POLQ: variants seen among roughly 807,000 people sequenced by gnomAD.
The protein encoded by POLQ is epididymis secretory sperm binding protein.
POLQ carries 233 observed loss-of-function variants against 259.2 expected under a neutral mutation model. The observed-to-expected ratio is 0.90, with a 90% CI of 0.81 to 1.00. POLQ has a LOEUF of 1.00. Ranked by LOEUF, POLQ falls within the 50% of genes least tolerant of loss-of-function variation. POLQ has a pLI of 0.00. For missense variants in POLQ, 2,871 were observed against 3,051.6 expected (o/e 0.94, Z 1.39); for synonymous variants, 1,025 against 1,048.8 (o/e 0.98, Z 0.44).
chr3:121,443,648 A>G (rs1382524410), intron 26 of POLQ, among the ~76,000 whole-genome samples: 2 of 151,970 alleles, frequency 1.3e-5, no homozygotes, highest in African/African-American at 4.8e-5. Context: ...TGCGCTTGTG[A>G]GTATTGCTTA....
intron 7 of POLQ, among the ~76,000 whole-genome samples, chr3:121,528,103 T>C (rs771648575): frequency 6.6e-6 from 1 of 152,186 alleles, no homozygotes; most frequent in Non-Finnish European, 1.5e-5. Context: ...TCTGTGTCTG[T>C]GTGCCTAAGT....
intron 14 of POLQ, chr3:121,494,438 A>C: frequency 1.3e-6 from 2 of 1,534,430 alleles, no homozygotes; most frequent in South Asian, 2.2e-5. Context: ...GCAAGAGAAG[A>C]AGCAGAGGCT....
chr3:121,541,153 T>A (rs1342990856), intron 3 of POLQ, among the ~76,000 whole-genome samples, 196 bp downstream of exon 3: 2 of 152,216 alleles, frequency 1.3e-5, no homozygotes, highest in African/African-American at 2.4e-5. Flanking sequence ...AGTGCTGGGA[T>A]TACAGGCGTG....
chr3:121,497,051 G>A, intron 13 of POLQ, 119 bp from the exon 14 acceptor site: 1 of 1,000,184 alleles, frequency 1.0e-6, no homozygotes, highest in South Asian at 1.5e-5. Flanking sequence ...ATACATTGTG[G>A]TGAGATTCTT....
rs557521875 is a variant in POLQ, at chr3:121,520,052, T to C, written c.1287A>G (p.Glu429=). The C allele has an allele frequency of 4.3e-6, 7 of 1,612,658 alleles. No individual in the cohort carries two copies. In the South Asian group the frequency reaches 6.6e-5, roughly 15 times the overall value. The change falls in exon 9 of 30, where the codon GAA becomes GAG. Residue 429 remains glutamate (E), a synonymous_variant. Coordinates refer to ENST00000264233, the MANE Select transcript of POLQ (RefSeq NM_199420.4). ...GAATGAGACCTTGACGAAAGGCTCC[T>C]TCAATGATATCCCTCTCCTCAAAAG... is the stretch of plus-strand genomic sequence containing the variant. ...GLTFEERDII[E]GAFRQGLIRV...
chr3:121,444,651 G>A (rs945749655), intron 26 of POLQ, among the ~76,000 whole-genome samples: 23 of 152,122 alleles, frequency 1.5e-4, no homozygotes, highest in African/African-American at 5.6e-4. Context: ...AGTGATGAAA[G>A]CAAAAGTGGG....
chr3:121,445,672 G>T (rs1290206976), intron 26 of POLQ, among the ~76,000 whole-genome samples: 2 of 152,028 alleles, frequency 1.3e-5, no homozygotes, highest in African/African-American at 4.8e-5. Context: ...TGACCAACCT[G>T]GCCAACATGG....
At chr3:121,491,349 A>C (rs1335096909) in intron 15 of POLQ, among the ~76,000 whole-genome samples, 1 of 37,746 alleles carries the variant, frequency 2.6e-5, no homozygotes, top group Admixed American at 3.3e-4. Flanking sequence ...ACTGTCACAA[A>C]AAAAAAAAAA....
chr3:121,539,031 C>T (rs931598303), intron 4 of POLQ, among the ~76,000 whole-genome samples: 1 of 152,108 alleles, frequency 6.6e-6, no homozygotes, highest in Non-Finnish European at 1.5e-5. Context: ...TGCTAAATGA[C>T]AGACTCTGGG....
chr3:121,538,585 CAAAA>C (rs34448538), intron 4 of POLQ, among the ~76,000 whole-genome samples: 7 of 97,020 alleles, frequency 7.2e-5, no homozygotes, highest in Admixed American at 1.1e-4. Context: ...ATTCATTCAC[CAAAA>C]AAAAAAAAAA....
chr3:121,545,834 G>A lies in POLQ; in HGVS notation c.44C>T (p.Ser15Leu), dbSNP rs746482367. 1 of 1,613,988 alleles carries A rather than the reference G, an allele frequency of 6.2e-7. No homozygotes were observed. Among genetic ancestry groups the A allele is most frequent in the East Asian group, 2.2e-5 (1 of 44,886 alleles). Residue 15 changes from serine to leucine, a missense_variant, in exon 1 of 30, where the codon TCA becomes TTA. Transcript: ENST00000264233. ...RRSGKRRRSE[S>L]GSDSFSGSGG... Reference sequence around the variant, plus strand: ...GCTTCCCGAGAACGAATCTGAGCCTGATTCTGAACGCCGCCGTTTCCCACT... The same window carrying A: ...GCTTCCCGAGAACGAATCTGAGCCTAATTCTGAACGCCGCCGTTTCCCACT...
chr3:121,507,495 G>A (rs980839430), intron 12 of POLQ, among the ~76,000 whole-genome samples: 56 of 152,052 alleles, frequency 3.7e-4, no homozygotes, highest in African/African-American at 1.2e-3. Context: ...GGGAGGCCGA[G>A]GAGGGTGGAT....
intron 27 of POLQ, 58 bp from the exon 28 acceptor site, chr3:121,436,333 C>G: frequency 6.4e-7 from 1 of 1,557,460 alleles, no homozygotes; most frequent in Non-Finnish European, 8.8e-7. Flanking sequence ...TTCATACTTT[C>G]CTTTAGTGTC....
chr3:121,489,047 G>T lies in POLQ; in HGVS notation c.3884C>A (p.Thr1295Lys), dbSNP rs767612456. Reference protein sequence around the residue: ...FLNISRLQEKTGTYTTNKTKN... With the variant: ...FLNISRLQEKKGTYTTNKTKN... ...AGTTTTGTTTGTTGTATAAGTACCT[G>T]TTTTTTCTTGTAGTCTAGAAATATT... is the stretch of plus-strand genomic sequence containing the variant. Residue 1295 changes from threonine (T) to lysine (K), a missense_variant, in exon 16 of 30, where the codon ACA (threonine) becomes AAA (lysine). Physicochemically the swap from Thr to Lys is moderately conservative, Grantham distance 78. Coordinates refer to ENST00000264233, the MANE Select transcript of POLQ (RefSeq NM_199420.4). 1.9e-6 allele frequency: 3 copies of T among 1,613,180 alleles called. No homozygotes were observed. Among genetic ancestry groups the T allele is most frequent in the Non-Finnish European group, 2.5e-6 (3 of 1,179,376 alleles).
At chr3:121,541,729 A>C (rs1170390619) in intron 2 of POLQ, among the ~76,000 whole-genome samples, 2 of 152,194 alleles carry the variant, frequency 1.3e-5, no homozygotes, top group African/African-American at 4.8e-5. Flanking sequence ...CTGAGTACCT[A>C]GTTTATACCT....
chr3:121,542,085 G>A (rs1369144788), intron 2 of POLQ, among the ~76,000 whole-genome samples: 5 of 150,964 alleles, frequency 3.3e-5, no homozygotes, highest in African/African-American at 7.3e-5. Context: ...GCAGTGAGCC[G>A]AGATCACCCC....
At chr3:121,502,060 T>G (rs1411476467) in intron 12 of POLQ, among the ~76,000 whole-genome samples, 1 of 149,232 alleles carries the variant, frequency 6.7e-6, no homozygotes, top group African/African-American at 2.5e-5. Flanking sequence ...ACCAAAACCA[T>G]ATTTCAATTC....
intron 23 of POLQ, 76 bp from the exon 24 acceptor site, chr3:121,467,716 A>G (rs1213655244): frequency 1.5e-5 from 22 of 1,426,424 alleles, no homozygotes; most frequent in African/African-American, 4.3e-5. Flanking sequence ...TTTCAGTAAC[A>G]TCAGTATTTC....
At chr3:121,535,946 T>C (rs1014450964) in intron 5 of POLQ, among the ~76,000 whole-genome samples, 3 of 151,974 alleles carry the variant, frequency 2.0e-5, no homozygotes, top group East Asian at 1.9e-4. Context: ...CCTATCTAGA[T>C]TGGAACAACT....
Sources: gnomAD v4.1 joint callset for allele counts (sites outside exome capture counted in the v4.1 genomes callset) on GRCh38, gnomAD v4.1.1 for gene constraint, MANE v1.5 for transcripts, NCBI Gene and HGNC (gene_info 2026-07-23, HGNC 2026-07-21) for gene names.